PPP2R2A: variants seen among roughly 807,000 people sequenced by gnomAD.
PPP2R2A encodes the protein protein phosphatase 2 regulatory subunit Balpha, also known as serine/threonine-protein phosphatase 2A 55 kDa regulatory subunit B alpha isoform.
In PPP2R2A, 9 loss-of-function variants were observed where a neutral mutation model predicts 53.2. The ratio of observed to expected loss-of-function variants is 0.17; its 90% CI spans 0.10 to 0.30. The LOEUF (loss-of-function observed/expected upper bound fraction) is 0.30, where lower values mean the gene tolerates loss of function less well. Ranked by LOEUF, PPP2R2A falls within the 10% of genes least tolerant of loss-of-function variation. The pLI is 1.00. For missense variants in PPP2R2A, 235 were observed against 534.6 expected, an observed-to-expected ratio of 0.44 and a Z score of 5.53; for synonymous variants, 169 against 174.2, an observed-to-expected ratio of 0.97 and a Z score of 0.23.
At chr8:26,334,728 GAGTAAGACTCC>G (rs910155766) in intron 2 of PPP2R2A, among the ~76,000 whole-genome samples, 1 of 151,850 alleles carries the variant, frequency 6.6e-6, no homozygotes, top group African/African-American at 2.4e-5. Flanking sequence ...CTGGGCGGCA[GAGTAAGACTCC>G]ATCTCAAAAA....
intron 2 of PPP2R2A, among the ~76,000 whole-genome samples, chr8:26,306,328 T>G (rs1585330208): frequency 6.6e-6 from 1 of 151,734 alleles, no homozygotes; most frequent in Non-Finnish European, 1.5e-5. Flanking sequence ...GTACAAAAAT[T>G]AGCTGGGCTT....
At position 26,360,119 on chromosome 8, in the gene PPP2R2A, A is replaced by G; in HGVS notation, c.347-50A>G. 5 of 1,047,896 alleles carry G rather than the reference A, an allele frequency of 4.8e-6. No homozygotes were observed. In the South Asian group the frequency reaches 7.1e-5, roughly 15 times the overall value. 64.9% of individuals were successfully genotyped at this position (1,047,896 alleles called of 1,614,324 possible). A position where few individuals can be genotyped will look rare whatever the true frequency, so the allele number is the denominator to read the frequency against. ...AATAGCATATTTTAAATGCCTTAAA[A>G]TGTTTTTCTTCTTCAGTATTTTAAG... is the stretch of plus-strand genomic sequence containing the variant. On this transcript the variant is annotated intron_variant, in intron 4 of 9. Transcript: ENST00000380737. The surrounding 1 kb of genome is among the most constrained non-coding windows in gnomAD (Gnocchi z 4.5).
intron 2 of PPP2R2A, among the ~76,000 whole-genome samples, chr8:26,306,438 T>G (rs1421116384): frequency 6.8e-6 from 1 of 146,930 alleles, no homozygotes; most frequent in Non-Finnish European, 1.5e-5. Context: ...ATCGCGCCAC[T>G]GTACTGCAGC....
intron 2 of PPP2R2A, among the ~76,000 whole-genome samples, chr8:26,332,547 C>CT (rs1295199348): frequency 6.6e-6 from 1 of 151,798 alleles, no homozygotes; most frequent in East Asian, 1.9e-4. Flanking sequence ...TTTATTTTGC[C>CT]TTAGGATACT....
At position 26,321,549 on chromosome 8, in the gene PPP2R2A, G is replaced by A. The variant is rs970130291; in HGVS notation, c.83-17341G>A. On this transcript the variant is annotated intron_variant, in intron 2 of 9. Transcript: ENST00000380737. This position sits in a 1 kb window ranked among gnomAD's most constrained non-coding sequence, Gnocchi z 4.1. Reference sequence around the variant, plus strand: ...CAGAAAGGTTTTGGCATCCATGTTGGGCTGCCCTATTTCACTTGCTGAGGG... The same window carrying A: ...CAGAAAGGTTTTGGCATCCATGTTGAGCTGCCCTATTTCACTTGCTGAGGG... Among the ~76,000 whole-genome samples, 3 of 152,200 alleles carry A rather than the reference G, an allele frequency of 2.0e-5. No individual in the cohort carries two copies. The highest frequency in any genetic ancestry group is 4.4e-5 in the Non-Finnish European group (3 of 68,038).
At chr8:26,293,888 C>T (rs1169950037) in intron 2 of PPP2R2A, 148 bp downstream of exon 2, 1 of 689,060 alleles carries the variant, frequency 1.5e-6, no homozygotes, top group Non-Finnish European at 2.4e-6. Flanking sequence ...AGATACCTTT[C>T]TGAAAAACAG....
intron 2 of PPP2R2A, chr8:26,333,396 A>G (rs1803480313): frequency 2.2e-6 from 1 of 452,350 alleles, no homozygotes; most frequent in Non-Finnish European, 3.4e-6. Flanking sequence ...TTTCTTAACT[A>G]TTGAGTATTT....
chr8:26,331,801 A>G (rs549728041), intron 2 of PPP2R2A, among the ~76,000 whole-genome samples: 3 of 152,296 alleles, frequency 2.0e-5, no homozygotes, highest in South Asian at 2.1e-4. Flanking sequence ...AATTTTCACA[A>G]ACTTCATGAT....
At chr8:26,323,232 GTCAGA>G (rs2117273145) in intron 2 of PPP2R2A, among the ~76,000 whole-genome samples, 1 of 152,306 alleles carries the variant, frequency 6.6e-6, no homozygotes, top group East Asian at 1.9e-4. Context: ...CTAATCTGCT[GTCAGA>G]TCAATCTAGC....
At chr8:26,315,373 T>C (rs908021585) in intron 2 of PPP2R2A, among the ~76,000 whole-genome samples, 1 of 152,154 alleles carries the variant, frequency 6.6e-6, no homozygotes, top group Non-Finnish European at 1.5e-5. Flanking sequence ...GTAAGTGGGA[T>C]GGGTCACATC....
At chr8:26,315,147 C>A (rs907092409) in intron 2 of PPP2R2A, among the ~76,000 whole-genome samples, 1 of 151,920 alleles carries the variant, frequency 6.6e-6, no homozygotes, top group Non-Finnish European at 1.5e-5. Flanking sequence ...CTTTGAGTTT[C>A]TTTTTTCTTA....
intron 3 of PPP2R2A, among the ~76,000 whole-genome samples, chr8:26,353,411 G>T (rs2117377359): frequency 6.6e-6 from 1 of 152,312 alleles, no homozygotes; most frequent in African/African-American, 2.4e-5. Context: ...AGATGATTCA[G>T]TGAAGTTTCC....
chr8:26,346,585 A>C (rs904773743), intron 3 of PPP2R2A, among the ~76,000 whole-genome samples: 3 of 152,184 alleles, frequency 2.0e-5, no homozygotes, highest in African/African-American at 7.2e-5. Flanking sequence ...TAGTCTTTCT[A>C]CTTTATTCGT....
rs1463281497 is a variant in PPP2R2A at position 26,321,012 on chromosome 8, T to C, written c.83-17878T>C. Among the ~76,000 whole-genome samples, 2 of 152,278 alleles carry C rather than the reference T, an allele frequency of 1.3e-5. No individual in the cohort carries two copies. Among genetic ancestry groups the C allele is most frequent in the East Asian group, 3.9e-4 (2 of 5,178 alleles). ...GTGTTAAAACAGACAGATGACACACTGAAATGACCAACGAGCATAATAAGG... is the reference window on the plus strand; with the variant it reads ...GTGTTAAAACAGACAGATGACACACCGAAATGACCAACGAGCATAATAAGG... On this transcript the variant is annotated intron_variant, in intron 2 of 9. Coordinates refer to ENST00000380737, the MANE Select transcript of PPP2R2A (RefSeq NM_002717.4). This position sits in a 1 kb window ranked among gnomAD's most constrained non-coding sequence, Gnocchi z 4.1.
chr8:26,342,535 C>G (rs747920251), intron 3 of PPP2R2A, among the ~76,000 whole-genome samples: 5 of 152,144 alleles, frequency 3.3e-5, no homozygotes, highest in Non-Finnish European at 7.4e-5. Context: ...CTCAGACCTT[C>G]AGTTTCTCTG....
intron 2 of PPP2R2A, among the ~76,000 whole-genome samples, chr8:26,334,493 T>C (rs1803550955): frequency 6.6e-6 from 1 of 152,028 alleles, no homozygotes; most frequent in Admixed American, 6.6e-5. Flanking sequence ...CGCCTGAAAT[T>C]CCAGCATATT....
intron 3 of PPP2R2A, among the ~76,000 whole-genome samples, chr8:26,343,397 A>C (rs1804050498): frequency 6.8e-6 from 1 of 147,306 alleles, no homozygotes; most frequent in Admixed American, 6.8e-5. Context: ...TTTGAGATGG[A>C]GTCTCACTCT....
At chr8:26,304,568 A>G (rs1396701833) in intron 2 of PPP2R2A, among the ~76,000 whole-genome samples, 3 of 152,204 alleles carry the variant, frequency 2.0e-5, no homozygotes, top group Non-Finnish European at 4.4e-5. Context: ...GAAAGTAGAA[A>G]TAGTACCTTT....
intron 3 of PPP2R2A, among the ~76,000 whole-genome samples, chr8:26,342,734 T>G (rs566418481): frequency 6.6e-6 from 1 of 152,344 alleles, no homozygotes; most frequent in African/African-American, 2.4e-5. Context: ...TTTCATACCC[T>G]CTGGCTTTTT....
Sources: allele counts gnomAD v4.1 joint callset (sites outside exome capture counted in the v4.1 genomes callset), GRCh38; gene constraint gnomAD v4.1.1; non-coding constraint Gnocchi (gnomAD v3.1); transcripts MANE v1.5; gene names NCBI Gene and HGNC (gene_info 2026-07-23, HGNC 2026-07-21).